The following TCAF1 variants were observed in gnomAD, a reference collection of about 807,000 sequenced individuals.
The protein encoded by TCAF1 is TRPM8 channel associated factor 1.
TCAF1 carries 4 observed loss-of-function variants against 27.3 expected under a neutral mutation model. That is an observed-to-expected ratio of 0.15 (90% confidence interval 0.07 to 0.34). The LOEUF (loss-of-function observed/expected upper bound fraction) is 0.34. Among genes scored for constraint, TCAF1 ranks in the 10% least tolerant of loss-of-function variants. The probability of loss-of-function intolerance (pLI) is 1.00; values close to 1 mark genes in which losing one functional copy is unlikely to be tolerated. For missense variants in TCAF1, 257 were observed against 425.8 expected, an observed-to-expected ratio of 0.60 and a Z score of 3.49; for synonymous variants, 105 against 167.1, an observed-to-expected ratio of 0.63 and a Z score of 2.87.
At chr7:143,898,433 A>G (rs959297078) in intron 1 of TCAF1, among the ~76,000 whole-genome samples, 1 of 152,190 alleles carries the variant, frequency 6.6e-6, no homozygotes, top group Non-Finnish European at 1.5e-5. Context: ...ATGATTGCCT[A>G]TGTAGCAAAT....
chr7:143,883,690 A>C (rs1813228741), intron 1 of TCAF1, among the ~76,000 whole-genome samples: 1 of 151,798 alleles, frequency 6.6e-6, no homozygotes, highest in Non-Finnish European at 1.5e-5. Flanking sequence ...ATTTTTGTAG[A>C]GACGGGATTT....
rs1003871400 is a variant in TCAF1 at position 143,851,634 on chromosome 7, T to G, written c.*2499A>C. 1 of 152,240 alleles carries G rather than the reference T, an allele frequency of 6.6e-6. No homozygotes were observed. Among genetic ancestry groups the G allele is most frequent in the Non-Finnish European group, 1.5e-5 (1 of 68,048 alleles). The allele number at this position is 152,240 out of a possible 1,614,324, so 9.4% of individuals were successfully genotyped here. ...TTACAACATCTTTAATAATTCCCCATTACAAAAGATAAGGATTTAACTTAC... is the reference window on the plus strand; with the variant it reads ...TTACAACATCTTTAATAATTCCCCAGTACAAAAGATAAGGATTTAACTTAC... On this transcript the variant is annotated 3_prime_UTR_variant, in exon 9 of 9. Coordinates refer to ENST00000479870, the MANE Select transcript of TCAF1 (RefSeq NM_014719.3).
rs2116678822 is a variant in TCAF1, at chr7:143,857,499, G to A, written c.2506-149C>T. 3.9e-6 allele frequency: 3 copies of A among 766,810 alleles called. No individual in the cohort carries two copies. The African/African-American group carries it at 5.2e-5, about 13-fold the overall frequency. 47.5% of individuals were successfully genotyped at this position (766,810 alleles called of 1,614,324 possible). A position where few individuals can be genotyped will look rare whatever the true frequency, so the allele number is the denominator to read the frequency against. On this transcript the variant is annotated intron_variant, in intron 7 of 8. Transcript: ENST00000479870. Reference sequence around the variant, plus strand: ...CCTGCTCTCCTCCATTTTGCCTCCTGGCCTCATGCCCTGCTCTTCCACATT... The same window carrying A: ...CCTGCTCTCCTCCATTTTGCCTCCTAGCCTCATGCCCTGCTCTTCCACATT...
chr7:143,897,974 G>T (rs1274614850), intron 1 of TCAF1, among the ~76,000 whole-genome samples: 1 of 151,966 alleles, frequency 6.6e-6, no homozygotes, highest in African/African-American at 2.4e-5. Context: ...TTTACCTTTT[G>T]TATCTATATC....
chr7:143,876,247 G>A lies in TCAF1; in HGVS notation c.362C>T (p.Ser121Phe), dbSNP rs769342310. The A allele has an allele frequency of 1.6e-5, 26 of 1,614,184 alleles. No homozygotes were observed. Among genetic ancestry groups the A allele is most frequent in the East Asian group, 2.2e-5 (1 of 44,880 alleles). ...GGCATCAATACAGTAAACCCCCAGG[G>A]AGTCTTTCACTTCTGGCTCAACCTT... Reference protein sequence around the residue: ...DAKVEPEVKDSLGVYCIDAYN... With the variant: ...DAKVEPEVKDFLGVYCIDAYN... The change falls in exon 2 of 9, where the codon TCC becomes TTC. Residue 121 changes from serine to phenylalanine, a missense_variant. Ser to Phe is a radical substitution (Grantham distance 155). Coordinates refer to ENST00000479870, the MANE Select transcript of TCAF1 (RefSeq NM_014719.3).
At chr7:143,897,849 G>A (rs1238639893) in intron 1 of TCAF1, among the ~76,000 whole-genome samples, 1 of 151,936 alleles carries the variant, frequency 6.6e-6, no homozygotes, top group Admixed American at 6.6e-5. Context: ...AATAGCATAA[G>A]GGAGAATACT....
At chr7:143,891,087 C>T (rs1282027614) in intron 1 of TCAF1, among the ~76,000 whole-genome samples, 1 of 152,080 alleles carries the variant, frequency 6.6e-6, no homozygotes, top group Non-Finnish European at 1.5e-5. Context: ...AAGATCAAAC[C>T]TTAAATGGGC....
At chr7:143,870,628 G>A (rs1812414572) in intron 2 of TCAF1, among the ~76,000 whole-genome samples, 1 of 151,708 alleles carries the variant, frequency 6.6e-6, no homozygotes, top group African/African-American at 2.4e-5. Context: ...ACAGCAGATG[G>A]TCTATCTTCA....
intron 1 of TCAF1, among the ~76,000 whole-genome samples, chr7:143,885,740 C>T (rs2116833007): frequency 6.6e-6 from 1 of 151,678 alleles, no homozygotes; most frequent in Middle Eastern, 3.4e-3. Flanking sequence ...AAAAACGTTC[C>T]ATTTTGTGTA....
chr7:143,889,179 A>G (rs1042791703), intron 1 of TCAF1, among the ~76,000 whole-genome samples: 1 of 152,184 alleles, frequency 6.6e-6, no homozygotes, highest in Non-Finnish European at 1.5e-5. Context: ...TAGAGCATAT[A>G]GTGAGAAGAC....
intron 6 of TCAF1, among the ~76,000 whole-genome samples, chr7:143,859,946 A>T (rs1233568822): frequency 3.3e-5 from 2 of 61,504 alleles, no homozygotes; most frequent in African/African-American, 5.7e-5. Flanking sequence ...ATATTATATA[A>T]TATATATTAC....
At chr7:143,893,583 C>G (rs1028202687) in intron 1 of TCAF1, among the ~76,000 whole-genome samples, 1 of 151,694 alleles carries the variant, frequency 6.6e-6, no homozygotes, top group South Asian at 2.1e-4. Context: ...TGGAATTAAA[C>G]CAGAAATAAA....
chr7:143,900,543 G>A (rs1485862802), intron 1 of TCAF1, among the ~76,000 whole-genome samples: 2 of 152,212 alleles, frequency 1.3e-5, no homozygotes, highest in African/African-American at 4.8e-5. Context: ...GCCTTGAGAT[G>A]ACTGAGGCCC....
chr7:143,875,998 A>G lies in TCAF1; in HGVS notation c.611T>C (p.Val204Ala), dbSNP rs1335256170. 6.4e-7 allele frequency: 1 copy of G among 1,554,426 alleles called. No homozygotes were observed. The highest frequency in any genetic ancestry group is 1.9e-5 in the Admixed American group (1 of 53,796). The change falls in exon 2 of 9, where the codon GTG (valine) becomes GCG (alanine). Residue 204 changes from valine to alanine, a missense_variant. Val to Ala is a moderately conservative substitution (Grantham distance 64). Around this residue, in one of 2 missense-constraint regions of TCAF1, gnomAD observed 255 missense variants for 260.1 expected, o/e 0.98. Transcript: ENST00000479870. ...KVSKKMPKIP[V>A]LVSCEDDLSD... ...GGGGTAACATACTCACCTAACCAAC[A>G]CTGGGATCTTGGGCATCTTCTTGGA...
chr7:143,902,123 C>T lies in TCAF1; in HGVS notation c.-177G>A, dbSNP rs1814149533. On this transcript the variant is annotated 5_prime_UTR_variant, in exon 1 of 9. Coordinates refer to ENST00000479870, the MANE Select transcript of TCAF1 (RefSeq NM_014719.3). ...TCCCAGGAGGAAGCAGCTTCTCCGC[C>T]CAGGAGGCAAAGGGCAGCGGGCTCG... 1 of 152,410 alleles carries T rather than the reference C, an allele frequency of 6.6e-6. No individual in the cohort carries two copies. Among genetic ancestry groups the T allele is most frequent in the Non-Finnish European group, 1.5e-5 (1 of 68,224 alleles). 9.4% of individuals were successfully genotyped at this position (152,410 alleles called of 1,614,324 possible). A position where few individuals can be genotyped will look rare whatever the true frequency, so the allele number is the denominator to read the frequency against.
rs906214406 is a variant in TCAF1, at chr7:143,885,734, A to C, written c.-14-9112T>G. Among the ~76,000 whole-genome samples the C allele has an allele frequency of 3.3e-5, 5 of 152,054 alleles. No homozygotes were observed. The South Asian group carries it at 1.0e-3, about 32-fold the overall frequency. On this transcript the variant is annotated intron_variant, in intron 1 of 8. Coordinates refer to ENST00000479870, the MANE Select transcript of TCAF1 (RefSeq NM_014719.3). ...AAATAAACATCTAACATAGTAAAAA[A>C]CGTTCCATTTTGTGTAAAAAAAACT...
intron 6 of TCAF1, among the ~76,000 whole-genome samples, chr7:143,859,930 T>TAATATATTATGG (rs1811835311): frequency 3.5e-5 from 2 of 57,478 alleles, no homozygotes; most frequent in African/African-American, 1.4e-4. Flanking sequence ...ATATATTATA[T>TAATATATTATGG]AATATATATT....
At chr7:143,879,167 C>T (rs981866629) in intron 1 of TCAF1, among the ~76,000 whole-genome samples, 1 of 152,184 alleles carries the variant, frequency 6.6e-6, no homozygotes, top group Non-Finnish European at 1.5e-5. Flanking sequence ...TTCCCTCTCC[C>T]AAATCTTTCT....
intron 1 of TCAF1, among the ~76,000 whole-genome samples, chr7:143,893,481 G>A (rs554815566): frequency 5.9e-5 from 9 of 152,122 alleles, no homozygotes; most frequent in East Asian, 3.9e-4. Context: ...TTTTTAGTGC[G>A]TGTCAAACAT....
Sources: gnomAD v4.1 joint callset for allele counts (sites outside exome capture counted in the v4.1 genomes callset) on GRCh38, gnomAD v4.1.1 for gene constraint, gnomAD v4.1.1 regional missense constraint, MANE v1.5 for transcripts, NCBI Gene and HGNC (gene_info 2026-07-23, HGNC 2026-07-21) for gene names.